SYTL2: variants seen among roughly 807,000 people sequenced by gnomAD.
SYTL2 encodes the protein synaptotagmin-like protein 2.
A neutral mutation model predicts 198.7 loss-of-function variants in SYTL2; 165 were observed. That is an observed-to-expected ratio of 0.83 (90% CI 0.73 to 0.94). The LOEUF (loss-of-function observed/expected upper bound fraction) is 0.94, where lower values mean the gene tolerates loss of function less well. Among genes scored for constraint, SYTL2 ranks in the 40% least tolerant of loss-of-function variants. The pLI, the probability that SYTL2 is intolerant of heterozygous loss-of-function variation, is 0.00. For synonymous variants in SYTL2, 966 were observed against 917.7 expected, an observed-to-expected ratio of 1.05 and a Z score of -0.95; for missense variants, 2,835 against 2,582.8, an observed-to-expected ratio of 1.10 and a Z score of -2.12.
intron 1 of SYTL2, among the ~76,000 whole-genome samples, chr11:85,774,791 C>A (rs757394258): frequency 6.6e-5 from 10 of 152,148 alleles, no homozygotes; most frequent in Non-Finnish European, 1.3e-4. Flanking sequence ...AAACCTTAAA[C>A]CCTTCCAAAG....
chr11:85,789,608 A>T (rs2092701901), intron 1 of SYTL2, among the ~76,000 whole-genome samples: 1 of 151,512 alleles, frequency 6.6e-6, no homozygotes, highest in Admixed American at 6.6e-5. Flanking sequence ...GCATATACTT[A>T]TTAGGTACTT....
chr11:85,836,662 T>C, the SYTL2 span, among the ~76,000 whole-genome samples: 1 of 152,038 alleles, frequency 6.6e-6, no homozygotes, highest in Non-Finnish European at 1.5e-5. Context: ...AAGAGATATG[T>C]TGAGAAGTAA....
At chr11:85,824,444 A>G in the SYTL2 span, among the ~76,000 whole-genome samples, 3 of 152,166 alleles carry the variant, frequency 2.0e-5, no homozygotes, top group Admixed American at 6.5e-5. Context: ...GAGGATTAGA[A>G]TGTGAAAGAA....
Position 85,714,638 on chromosome 11 carries a change from G to A in SYTL2, c.5531-131C>T, listed in dbSNP as rs927035641. ...TTGTAAAAAAGTTAAAGGCAGAGTA[G>A]TCCACATGCACAGGATCATGAGATT... On this transcript the variant is annotated intron_variant, in intron 11 of 19. Transcript: ENST00000359152. The A allele has an allele frequency of 4.2e-6, 6 of 1,430,742 alleles. No individual in the cohort carries two copies. The East Asian group carries it at 1.0e-4, about 25-fold the overall frequency. The allele number at this position is 1,430,742 out of a possible 1,614,324, so 88.6% of individuals were successfully genotyped here. A position where few individuals can be genotyped will look rare whatever the true frequency, so the allele number is the denominator to read the frequency against.
the SYTL2 span, chr11:85,854,500 G>C: frequency 6.6e-6 from 1 of 151,974 alleles, no homozygotes; most frequent in South Asian, 2.1e-4. Context: ...TTAGGTTTAC[G>C]AACAAAAAAG....
the SYTL2 span, among the ~76,000 whole-genome samples, chr11:85,850,488 A>C: frequency 3.3e-5 from 5 of 151,732 alleles, no homozygotes; most frequent in Non-Finnish European, 7.4e-5. Context: ...ACCATCTCAC[A>C]CCAGTTAGAA....
Position 85,711,164 on chromosome 11 carries a change from C to A in SYTL2, c.5694G>T (p.Pro1898=), listed in dbSNP as rs369710130. The change falls in exon 13 of 20, where the codon CCG becomes CCT. Residue 1898 remains proline (P), a synonymous_variant. Transcript: ENST00000359152. ...SYQLSRHKKS[P]SSLTNLSSSS... ...AGCTGCTAAGATTGGTTAAAGAGCTCGGGCTCTTCTTGTGTCTGCTGAGCT... is the reference window on the plus strand; with the variant it reads ...AGCTGCTAAGATTGGTTAAAGAGCTAGGGCTCTTCTTGTGTCTGCTGAGCT... The A allele has an allele frequency of 6.2e-6, 10 of 1,614,010 alleles. No homozygotes were observed. The highest frequency in any genetic ancestry group is 8.5e-6 in the Non-Finnish European group (10 of 1,179,934).
At chr11:85,801,616 G>A (rs2092888084) in intron 1 of SYTL2, among the ~76,000 whole-genome samples, 1 of 152,104 alleles carries the variant, frequency 6.6e-6, no homozygotes, top group African/African-American at 2.4e-5. Context: ...TTCATACTGT[G>A]AGCAGTGTTA....
chr11:85,805,170 A>G (rs777660816), intron 1 of SYTL2, among the ~76,000 whole-genome samples: 2 of 152,114 alleles, frequency 1.3e-5, no homozygotes, highest in African/African-American at 2.4e-5. Context: ...CCAAAATGGC[A>G]TAACTGAAAC....
chr11:85,773,219 T>C (rs1160587349), intron 1 of SYTL2, among the ~76,000 whole-genome samples: 1 of 152,152 alleles, frequency 6.6e-6, no homozygotes, highest in Non-Finnish European at 1.5e-5. Flanking sequence ...CCCTGGCAGG[T>C]ACAGTCAATG....
chr11:85,839,734 G>T, the SYTL2 span, among the ~76,000 whole-genome samples: 1 of 152,196 alleles, frequency 6.6e-6, no homozygotes, highest in Non-Finnish European at 1.5e-5. Flanking sequence ...AAACAGTGCT[G>T]CAGTAAACAT....
intron 1 of SYTL2, among the ~76,000 whole-genome samples, chr11:85,770,808 A>G (rs1490915076): frequency 6.6e-6 from 1 of 152,170 alleles, no homozygotes; most frequent in Non-Finnish European, 1.5e-5. Context: ...CCCTACCACA[A>G]GCAGGCAACA....
chr11:85,792,018 C>T (rs565373143), intron 1 of SYTL2, among the ~76,000 whole-genome samples: 2 of 152,082 alleles, frequency 1.3e-5, no homozygotes, highest in African/African-American at 2.4e-5. Flanking sequence ...ATATAACTGG[C>T]GAATTGTATA....
At chr11:85,808,871 G>C (rs1461977764) in intron 1 of SYTL2, among the ~76,000 whole-genome samples, 3 of 122,472 alleles carry the variant, frequency 2.4e-5, no homozygotes, top group Non-Finnish European at 5.1e-5. Flanking sequence ...TACCAAGTAA[G>C]TTTTCCTCTT....
chr11:85,836,452 A>G, the SYTL2 span, among the ~76,000 whole-genome samples: 1 of 152,102 alleles, frequency 6.6e-6, no homozygotes, highest in African/African-American at 2.4e-5. Flanking sequence ...TCATACATGT[A>G]TATACGTATG....
chr11:85,833,155 GA>G, the SYTL2 span, among the ~76,000 whole-genome samples: 2,435 of 91,216 alleles, frequency 0.027, 339 homozygotes, highest in African/African-American at 0.066. Flanking sequence ...AGGAAGGAAG[GA>G]AAGAAAGAAA....
Position 85,725,319 on chromosome 11 carries a change from G to T in SYTL2, c.4039C>A (p.Pro1347Thr). ...GTCTCCGAAATTTCCGTTTGAGAAG[G>T]GTGTACCCTAGCCTGGGGAACAAGA... ...AHLVPQARVH[P>T]SQTEISETVE... is the part of the protein sequence containing the mutation. Residue 1347 changes from proline to threonine, a missense_variant, in exon 8 of 20, where the codon CCT becomes ACT. Around this residue, in one of 3 missense-constraint regions of SYTL2, gnomAD observed 2,645 missense variants for 2,381.7 expected, o/e 1.11. Coordinates refer to ENST00000359152, the MANE Select transcript of SYTL2 (RefSeq NM_206927.4). 1.9e-6 allele frequency: 3 copies of T among 1,614,014 alleles called. No homozygotes were observed. The highest frequency in any genetic ancestry group is 2.5e-6 in the Non-Finnish European group (3 of 1,179,944).
chr11:85,795,985 C>A (rs1261027555), intron 1 of SYTL2, among the ~76,000 whole-genome samples: 2 of 152,200 alleles, frequency 1.3e-5, no homozygotes, highest in African/African-American at 4.8e-5. Flanking sequence ...TGAGTAGGCA[C>A]CAGAAGCTTA....
chr11:85,758,582 T>G (rs761927001), intron 1 of SYTL2, among the ~76,000 whole-genome samples: 3 of 152,242 alleles, frequency 2.0e-5, no homozygotes, highest in Non-Finnish European at 4.4e-5. Context: ...TAGAGATAGT[T>G]TGCAGAAGAG....
Sources: allele counts gnomAD v4.1 joint callset (sites outside exome capture counted in the v4.1 genomes callset), GRCh38; gene constraint gnomAD v4.1.1; regional missense constraint gnomAD v4.1.1; transcripts MANE v1.5; gene names NCBI Gene and HGNC (gene_info 2026-07-23, HGNC 2026-07-21).